OSBPL5: variants seen among roughly 807,000 people sequenced by gnomAD.
OSBPL5 encodes the protein oxysterol-binding protein-related protein 5.
Under a neutral mutation model 111.2 loss-of-function variants are expected in OSBPL5, and 71 were observed. The observed-to-expected ratio is 0.64, with a 90% CI of 0.53 to 0.78. The LOEUF is 0.78. OSBPL5 is among the 30% of genes least tolerant of loss of function. The pLI, the probability that OSBPL5 is intolerant of heterozygous loss-of-function variation, is 0.00. For missense variants in OSBPL5, 1,210 were observed against 1,189.3 expected (o/e 1.02, Z -0.26); for synonymous variants, 549 against 513.9 (o/e 1.07, Z -0.93).
intron 14 of OSBPL5, among the ~76,000 whole-genome samples, chr11:3,096,115 G>A (rs1857243816): frequency 6.6e-6 from 1 of 152,126 alleles, no homozygotes; most frequent in Non-Finnish European, 1.5e-5. Context: ...CAGGAGGGAG[G>A]GACATCAAGG....
At position 3,107,960 on chromosome 11, in the gene OSBPL5, G is replaced by C. The variant is rs757949818; in HGVS notation, c.692-15C>G. The C allele has an allele frequency of 6.4e-7, 1 of 1,569,830 alleles. No individual in the cohort carries two copies. The highest frequency in any genetic ancestry group is 8.5e-7 in the Non-Finnish European group (1 of 1,169,674). ...CCAGCAGCGACCTGCGGGGCACACG[G>C]GATGAGCATGCCCCACCCCCACCTC... On this transcript the variant is annotated splice_polypyrimidine_tract_variant and intron_variant, in intron 7 of 21. Transcript: ENST00000263650. This position sits in a 1 kb window ranked among gnomAD's most constrained non-coding sequence, Gnocchi z 6.1.
In OSBPL5 at chr11:3,103,305, C is replaced by T. The variant is rs1308538817; in HGVS notation, c.1260G>A (p.Glu420=). 2 of 1,607,018 alleles carry T rather than the reference C, an allele frequency of 1.2e-6. No individual in the cohort carries two copies. The highest frequency in any genetic ancestry group is 1.7e-4 in the Middle Eastern group (1 of 6,034). Residue 420 remains glutamate, a synonymous_variant, in exon 11 of 22, where the codon GAG becomes GAA. Transcript: ENST00000263650. ...CCAGCTTCATGCGGCTGTAGGCATC[C>T]TCCTCCACCGCAGCCCTGCCATGGG... is the stretch of plus-strand genomic sequence containing the variant. The part of the protein sequence containing the change: ...ADLLSRAAVE[E]DAYSRMKLVL...
In OSBPL5 at chr11:3,101,586, C is replaced by T; in HGVS notation, c.1522+17G>A. The T allele has an allele frequency of 1.9e-6, 3 of 1,607,120 alleles. No individual in the cohort carries two copies. Among genetic ancestry groups the T allele is most frequent in the Non-Finnish European group, 2.6e-6 (3 of 1,174,322 alleles). On this transcript the variant is annotated intron_variant, in intron 13 of 21. Coordinates refer to ENST00000263650, the MANE Select transcript of OSBPL5 (RefSeq NM_020896.4). The stretch of plus-strand genomic sequence containing the variant: ...TTTCCCTGAGGCCCCAGGGAGCGCC[C>T]AGGGTGACCCCCTCACCATAAAACC...
chr11:3,102,220 G>T lies in OSBPL5; in HGVS notation c.1388C>A (p.Pro463Gln). The T allele has an allele frequency of 6.2e-7, 1 of 1,609,134 alleles. No homozygotes were observed. The highest frequency in any genetic ancestry group is 8.5e-7 in the Non-Finnish European group (1 of 1,178,130). Residue 463 changes from proline (P) to glutamine (Q), a missense_variant, in exon 12 of 22, where the codon CCG (proline) becomes CAG (glutamine). Coordinates refer to ENST00000263650, the MANE Select transcript of OSBPL5 (RefSeq NM_020896.4). Reference protein sequence around the residue: ...GETFRCCWFHPQTDSRTFYIA... With the variant: ...GETFRCCWFHQQTDSRTFYIA... ...GTAGAATGTGCGGCTGTCAGTCTGC[G>T]GGTGGAACCAGCAGCAGCGGAAGGT... is the stretch of plus-strand genomic sequence containing the variant.
At chr11:3,160,948 G>T (rs1285684597) in intron 1 of OSBPL5, 2 of 152,204 alleles carry the variant, frequency 1.3e-5, no homozygotes, top group African/African-American at 2.4e-5. Context: ...GCAGTCAGGG[G>T]CATGCTGTCT....
rs1435911161 is a variant in OSBPL5 at position 3,094,256 on chromosome 11, T to C, written c.1700A>G (p.Gln567Arg). The part of the protein sequence containing the change: ...IECAKNNFQA[Q>R]LEFKLKPFFG... ...CGCTACCTTGAGTTTGAATTCCAGC[T>C]GGGCCTGGAAGTTGTTCTTCGCACA... The change falls in exon 15 of 22, where the codon CAG (glutamine) becomes CGG (arginine). Residue 567 changes from glutamine to arginine, a missense_variant. Physicochemically the swap from Gln to Arg is conservative, Grantham distance 43. Transcript: ENST00000263650. 6.2e-7 allele frequency: 1 copy of C among 1,613,438 alleles called. No individual in the cohort carries two copies. Among genetic ancestry groups the C allele is most frequent in the Non-Finnish European group, 8.5e-7 (1 of 1,179,952 alleles).
intron 7 of OSBPL5, 82 bp from the exon 8 acceptor site, chr11:3,108,027 C>A: frequency 6.6e-7 from 1 of 1,516,600 alleles, no homozygotes; most frequent in South Asian, 1.2e-5. Flanking sequence ...GGAGGCTCCC[C>A]CTCACTCTGA....
intron 6 of OSBPL5, 77 bp downstream of exon 6, chr11:3,120,344 A>G: frequency 6.6e-7 from 1 of 1,524,850 alleles, no homozygotes. Context: ...GGTTGGCTCC[A>G]CCCTCCACCA....
At chr11:3,114,393 AG>A (rs1858126547) in intron 7 of OSBPL5, among the ~76,000 whole-genome samples, 1 of 152,076 alleles carries the variant, frequency 6.6e-6, no homozygotes, top group South Asian at 2.1e-4. Flanking sequence ...TTTAAGAAAG[AG>A]GGATGTTCAG....
Position 3,106,449 on chromosome 11 carries a change from C to T in OSBPL5, c.1059+814G>A, listed in dbSNP as rs894566624. 8.6e-5 allele frequency among the ~76,000 whole-genome samples: 13 copies of T among 151,840 alleles called. No homozygotes were observed. The highest frequency in any genetic ancestry group is 3.1e-4 in the African/African-American group (13 of 41,322). Reference sequence around the variant, plus strand: ...CCCAGAGCCCGGCTTCCTCAGCCTGCACCCGTCACCCAGCGGAAGCTTAGA... The same window carrying T: ...CCCAGAGCCCGGCTTCCTCAGCCTGTACCCGTCACCCAGCGGAAGCTTAGA... On this transcript the variant is annotated intron_variant, in intron 9 of 21. Coordinates refer to ENST00000263650, the MANE Select transcript of OSBPL5 (RefSeq NM_020896.4). This position sits in a 1 kb window ranked among gnomAD's most constrained non-coding sequence, Gnocchi z 8.4.
rs537611975 is a variant in OSBPL5, at chr11:3,121,604, C to T, written c.402+393G>A. Among the ~76,000 whole-genome samples, 10 of 152,254 alleles carry T rather than the reference C, an allele frequency of 6.6e-5. No homozygotes were observed. Among genetic ancestry groups the T allele is most frequent in the South Asian group, 2.1e-4 (1 of 4,828 alleles). On this transcript the variant is annotated intron_variant, in intron 5 of 21. Transcript: ENST00000263650. This position sits in a 1 kb window ranked among gnomAD's most constrained non-coding sequence, Gnocchi z 4.3. Reference sequence around the variant, plus strand: ...AGGCTCAGAGGCGAGTGAATGGCCACGGTCTCCGTGAGGTCTGAACACAGG... The same window carrying T: ...AGGCTCAGAGGCGAGTGAATGGCCATGGTCTCCGTGAGGTCTGAACACAGG...
intron 3 of OSBPL5, among the ~76,000 whole-genome samples, chr11:3,123,877 G>A (rs1297121085): frequency 6.6e-6 from 1 of 152,190 alleles, no homozygotes; most frequent in Non-Finnish European, 1.5e-5. Flanking sequence ...GAGGTGGAGA[G>A]CTAGCAAGGG....
chr11:3,153,085 G>A (rs954263304), intron 1 of OSBPL5, among the ~76,000 whole-genome samples: 4 of 152,022 alleles, frequency 2.6e-5, no homozygotes, highest in Non-Finnish European at 5.9e-5. Flanking sequence ...TCCCCCAGGC[G>A]CCAGGGGGTC....
intron 1 of OSBPL5, among the ~76,000 whole-genome samples, chr11:3,149,308 T>TG (rs775240680): frequency 2.2e-4 from 33 of 152,212 alleles, no homozygotes; most frequent in East Asian, 1.4e-3. Context: ...AGGCATGGGC[T>TG]GGGGGGGCAG....
rs1264568070 is a variant in OSBPL5, at chr11:3,101,711, G to A, written c.1426-12C>T. The stretch of plus-strand genomic sequence containing the variant: ...GGGTGGTGGGACACCTGCGTGCAGG[G>A]AGGCGGCTCTGTAAACAGCCCCGGA... On this transcript the variant is annotated splice_polypyrimidine_tract_variant and intron_variant, in intron 12 of 21. Coordinates refer to ENST00000263650, the MANE Select transcript of OSBPL5 (RefSeq NM_020896.4). 1.9e-6 allele frequency: 3 copies of A among 1,610,178 alleles called. No individual in the cohort carries two copies. Among genetic ancestry groups the A allele is most frequent in the Admixed American group, 3.3e-5 (2 of 59,990 alleles).
In OSBPL5 at chr11:3,104,224, C is replaced by A. The variant is rs143909358; in HGVS notation, c.1213G>T (p.Asp405Tyr). 6.2e-7 allele frequency: 1 copy of A among 1,612,086 alleles called. No individual in the cohort carries two copies. The highest frequency in any genetic ancestry group is 8.5e-7 in the Non-Finnish European group (1 of 1,178,592). The change falls in exon 10 of 22, where the codon GAC becomes TAC. Residue 405 changes from aspartate to tyrosine, a missense_variant. Physicochemically the swap from Asp to Tyr is radical, Grantham distance 160. Transcript: ENST00000263650. The surrounding 1 kb of genome is among the most constrained non-coding windows in gnomAD (Gnocchi z 5.0). ...EPRSFLNKLS[D>Y]YYYHADLLSR... ...AGCAGGTCTGCGTGGTAGTAGTAGT[C>A]GGAGAGCTTGTTCAGGAAGGAGCGC...
chr11:3,155,064 AG>A (rs1846712280), intron 1 of OSBPL5, among the ~76,000 whole-genome samples: 1 of 152,216 alleles, frequency 6.6e-6, no homozygotes, highest in Non-Finnish European at 1.5e-5. Context: ...GGGAGAAAGA[AG>A]GTGGTTATCT....
rs1857890140 is a variant in OSBPL5, at chr11:3,110,597, A to G, written c.692-2652T>C. Reference sequence around the variant, plus strand: ...AAAATCTTGGGCCCCTCAAATCACTAAGCTAAAGGGAAAAACCCAAGCTGG... The same window carrying G: ...AAAATCTTGGGCCCCTCAAATCACTGAGCTAAAGGGAAAAACCCAAGCTGG... On this transcript the variant is annotated intron_variant, in intron 7 of 21. Transcript: ENST00000263650. This position sits in a 1 kb window ranked among gnomAD's most constrained non-coding sequence, Gnocchi z 5.3. Among the ~76,000 whole-genome samples, 1 of 152,098 alleles carries G rather than the reference A, an allele frequency of 6.6e-6. No individual in the cohort carries two copies.
chr11:3,089,775 C>G (rs1020708180), intron 21 of OSBPL5, 71 bp downstream of exon 21: 41 of 1,442,164 alleles, frequency 2.8e-5, no homozygotes, highest in Non-Finnish European at 3.9e-5. Flanking sequence ...CCCCACCTCC[C>G]GCCCTAGCTC....
Sources: gnomAD v4.1 joint callset for allele counts (sites outside exome capture counted in the v4.1 genomes callset) on GRCh38, gnomAD v4.1.1 for gene constraint, Gnocchi (gnomAD v3.1) non-coding constraint, MANE v1.5 for transcripts, NCBI Gene and HGNC (gene_info 2026-07-23, HGNC 2026-07-21) for gene names.